Variants in CSMD1 observed in about 807,000 individuals in gnomAD.
The protein encoded by CSMD1 is CUB and sushi domain-containing protein 1.
In CSMD1, 213 loss-of-function variants were observed where a neutral mutation model predicts 417.5. The observed-to-expected ratio is 0.51, with a 90% CI of 0.46 to 0.57. The LOEUF (loss-of-function observed/expected upper bound fraction) is 0.57, where lower values mean the gene tolerates loss of function less well. CSMD1 is among the 20% of genes least tolerant of loss of function. The pLI is 0.00. For synonymous variants in CSMD1, 2,862 were observed against 1,736.8 expected, an observed-to-expected ratio of 1.65 and a Z score of -16.11; for missense variants, 6,923 against 4,529.7, an observed-to-expected ratio of 1.53 and a Z score of -15.17.
chr8:3,348,074 A>G lies in CSMD1; in HGVS notation c.3392T>C (p.Ile1131Thr). The change falls in exon 22 of 70, where the codon ATC becomes ACC. Residue 1131 changes from isoleucine to threonine, a missense_variant. Physicochemically the swap from Ile to Thr is moderately conservative, Grantham distance 89. Coordinates refer to ENST00000635120, the MANE Select transcript of CSMD1 (RefSeq NM_033225.6). ...PSNYDNNHECIYKIETEAGKG... is the reference protein window; with the variant it reads ...PSNYDNNHECTYKIETEAGKG... ...GCCGGCTTCTGTTTCTATTTTATAG[A>G]TACACTCATGGTTATTATCATAATT... is the stretch of plus-strand genomic sequence containing the variant. 1.2e-6 allele frequency: 2 copies of G among 1,612,852 alleles called. No homozygotes were observed. Among genetic ancestry groups the G allele is most frequent in the South Asian group, 2.2e-5 (2 of 90,884 alleles).
chr8:3,289,559 C>T lies in CSMD1; in HGVS notation c.3951-5213G>A, dbSNP rs1803397717. 1.5e-5 allele frequency among the ~76,000 whole-genome samples: 2 copies of T among 131,788 alleles called. 1 individual carries two copies. The highest frequency in any genetic ancestry group is 6.1e-5 in the African/African-American group (2 of 32,860). The allele number at this position is 131,788 out of a possible 152,430, so 86.5% of individuals were successfully genotyped here. On this transcript the variant is annotated intron_variant, in intron 25 of 69. Coordinates refer to ENST00000635120, the MANE Select transcript of CSMD1 (RefSeq NM_033225.6). ...GGTATCTCATTGTGGTTTTGATTTG[C>T]ATTTCTCTGATGGCCGGTGATGATG...
At chr8:3,507,554 G>C (rs373310732) in intron 10 of CSMD1, among the ~76,000 whole-genome samples, 4 of 152,130 alleles carry the variant, frequency 2.6e-5, no homozygotes, top group African/African-American at 4.8e-5. Flanking sequence ...GGTATTTCTA[G>C]TTCTAGATCC....
intron 6 of CSMD1, among the ~76,000 whole-genome samples, chr8:3,746,750 C>A (rs538380700): frequency 1.3e-5 from 2 of 152,276 alleles, no homozygotes; most frequent in South Asian, 4.1e-4. Flanking sequence ...ACCAGATACC[C>A]AGAAGCTGTT....
In CSMD1 at chr8:4,966,616, G is replaced by T. The variant is rs145903962; in HGVS notation, c.85+27716C>A. On this transcript the variant is annotated intron_variant, in intron 1 of 69. Transcript: ENST00000635120. ...TTGTGATTGAGAGGTACTGTCTTAG[G>T]TAGGTTCACCCTGTACAAACACAGA... Among the ~76,000 whole-genome samples, 233 of 152,236 alleles carry T rather than the reference G, an allele frequency of 1.5e-3. 3 individuals are homozygous for T. The highest frequency in any genetic ancestry group is 0.014 in the South Asian group (66 of 4,832).
intron 2 of CSMD1, among the ~76,000 whole-genome samples, chr8:4,440,405 C>G (rs1459185657): frequency 6.6e-6 from 1 of 152,118 alleles, no homozygotes; most frequent in African/African-American, 2.4e-5. Context: ...CTCTCACTCA[C>G]ACCTATATCT....
chr8:3,534,481 C>G (rs1253772618), intron 10 of CSMD1, among the ~76,000 whole-genome samples: 1 of 147,720 alleles, frequency 6.8e-6, no homozygotes, highest in Non-Finnish European at 1.5e-5. Flanking sequence ...CTCTCTCATG[C>G]TCAGCGATAA....
chr8:3,679,354 T>C (rs1456997002), intron 7 of CSMD1, among the ~76,000 whole-genome samples: 5 of 151,524 alleles, frequency 3.3e-5, no homozygotes, highest in African/African-American at 1.2e-4. Flanking sequence ...ACCAAGCAAA[T>C]GGAAAACAAA....
At chr8:3,764,379 T>A (rs1178704862) in intron 5 of CSMD1, among the ~76,000 whole-genome samples, 1 of 152,168 alleles carries the variant, frequency 6.6e-6, no homozygotes, top group Non-Finnish European at 1.5e-5. Context: ...AACTCTGATA[T>A]GAAATACCAC....
intron 3 of CSMD1, among the ~76,000 whole-genome samples, chr8:4,053,669 A>C (rs1019148533): frequency 1.3e-5 from 2 of 152,060 alleles, no homozygotes; most frequent in Admixed American, 6.6e-5. Context: ...AACATACCCC[A>C]AAAATAGCAG....
chr8:3,527,780 CTGTAA>C (rs1296787078), intron 10 of CSMD1, among the ~76,000 whole-genome samples: 6 of 152,130 alleles, frequency 3.9e-5, no homozygotes, highest in African/African-American at 1.4e-4. Context: ...CCCTTTGGAT[CTGTAA>C]GTATTTCAAA....
intron 3 of CSMD1, among the ~76,000 whole-genome samples, chr8:4,095,714 T>A (rs1800973059): frequency 6.6e-6 from 1 of 152,236 alleles, no homozygotes; most frequent in South Asian, 2.1e-4. Context: ...GGTGCATCCG[T>A]ACTTCAATTT....
intron 2 of CSMD1, among the ~76,000 whole-genome samples, chr8:4,579,943 T>C (rs10097669): frequency 0.24 from 36,618 of 152,114 alleles, 5,497 homozygotes; most frequent in Non-Finnish European, 0.33. Flanking sequence ...ATTTCCTGTA[T>C]TTTATGTTTA....
intron 20 of CSMD1, among the ~76,000 whole-genome samples, chr8:3,363,193 A>G (rs1330836761): frequency 6.6e-6 from 1 of 152,232 alleles, no homozygotes; most frequent in East Asian, 1.9e-4. Flanking sequence ...TTCACAATCA[A>G]GTCTCAGCCT....
intron 1 of CSMD1, among the ~76,000 whole-genome samples, chr8:4,897,465 T>A (rs1241437332): frequency 6.6e-6 from 1 of 152,062 alleles, no homozygotes; most frequent in African/African-American, 2.4e-5. Flanking sequence ...GGGAATATCT[T>A]TAAGGAGTGG....
At chr8:3,161,758 C>T (rs965223914) in intron 38 of CSMD1, among the ~76,000 whole-genome samples, 3 of 151,982 alleles carry the variant, frequency 2.0e-5, no homozygotes, top group South Asian at 2.1e-4. Flanking sequence ...CCAAAGAGGG[C>T]ATTAATGATG....
At chr8:3,809,163 G>A (rs1379111115) in intron 5 of CSMD1, among the ~76,000 whole-genome samples, 4 of 152,044 alleles carry the variant, frequency 2.6e-5, no homozygotes, top group South Asian at 4.1e-4. Flanking sequence ...AGCCCCCACA[G>A]ACCTCATTCT....
intron 41 of CSMD1, among the ~76,000 whole-genome samples, chr8:3,121,017 T>C (rs1207613510): frequency 6.6e-6 from 1 of 152,124 alleles, no homozygotes; most frequent in East Asian, 1.9e-4. Flanking sequence ...GAGCATAATT[T>C]CTAAGCAGAA....
chr8:4,044,653 C>G (rs527572078), intron 3 of CSMD1, among the ~76,000 whole-genome samples: 1 of 152,280 alleles, frequency 6.6e-6, no homozygotes, highest in South Asian at 2.1e-4. Context: ...TGTACGTGTA[C>G]CACCCTGGGC....
intron 10 of CSMD1, among the ~76,000 whole-genome samples, chr8:3,506,999 A>G (rs146165559): frequency 6.6e-6 from 1 of 152,216 alleles, no homozygotes; most frequent in Non-Finnish European, 1.5e-5. Context: ...TCTAATATAC[A>G]TTTTCATACA....
Sources: allele counts gnomAD v4.1 joint callset (sites outside exome capture counted in the v4.1 genomes callset), GRCh38; gene constraint gnomAD v4.1.1; transcripts MANE v1.5; gene names NCBI Gene and HGNC (gene_info 2026-07-23, HGNC 2026-07-21).